KIAA1217: variants seen among roughly 807,000 people sequenced by gnomAD.
KIAA1217 encodes sickle tail protein homolog.
Under a neutral mutation model 163.9 loss-of-function variants are expected in KIAA1217, and 88 were observed. The observed-to-expected ratio is 0.54, with a 90% confidence interval of 0.45 to 0.64. The LOEUF (loss-of-function observed/expected upper bound fraction) is 0.64, where lower values mean the gene tolerates loss of function less well. Among genes scored for constraint, KIAA1217 ranks in the 30% least tolerant of loss-of-function variants. The pLI is 0.00. For missense variants in KIAA1217, 2,372 were observed against 2,475.0 expected (o/e 0.96, Z 0.88); for synonymous variants, 903 against 923.1 (o/e 0.98, Z 0.39).
chr10:24,412,982 T>G (rs961132829), intron 3 of KIAA1217, among the ~76,000 whole-genome samples: 1 of 152,228 alleles, frequency 6.6e-6, no homozygotes, highest in Non-Finnish European at 1.5e-5. Context: ...AACAAAACCC[T>G]TTGCATCTTT....
At chr10:23,821,564 C>T (rs192436105) in intron 1 of KIAA1217, among the ~76,000 whole-genome samples, 1 of 152,318 alleles carries the variant, frequency 6.6e-6, no homozygotes, top group East Asian at 1.9e-4. Context: ...AGGGCCTTTC[C>T]CACTTGGCCC....
At chr10:24,485,413 T>C (rs2065264255) in intron 6 of KIAA1217, among the ~76,000 whole-genome samples, 1 of 152,196 alleles carries the variant, frequency 6.6e-6, no homozygotes, top group South Asian at 2.1e-4. Flanking sequence ...TCACCTTTGC[T>C]CTTTCTGCTG....
intron 2 of KIAA1217, among the ~76,000 whole-genome samples, chr10:24,062,022 T>G (rs2060742193): frequency 6.6e-6 from 1 of 152,108 alleles, no homozygotes; most frequent in South Asian, 2.1e-4. Context: ...GCTCATAGTG[T>G]GTACTTGACT....
intron 2 of KIAA1217, among the ~76,000 whole-genome samples, chr10:24,122,564 C>A (rs974119444): frequency 1.3e-5 from 2 of 152,080 alleles, no homozygotes; most frequent in Admixed American, 6.6e-5. Context: ...GACAGAAAAA[C>A]CAAATTCAGA....
At chr10:24,506,645 G>A (rs919915156) in intron 9 of KIAA1217, among the ~76,000 whole-genome samples, 1 of 152,166 alleles carries the variant, frequency 6.6e-6, no homozygotes, top group Non-Finnish European at 1.5e-5. Flanking sequence ...TGAAACAAAT[G>A]TTTTCAGAAA....
chr10:24,537,393 T>G (rs2074185767), intron 17 of KIAA1217, among the ~76,000 whole-genome samples: 1 of 151,970 alleles, frequency 6.6e-6, no homozygotes, highest in Admixed American at 6.6e-5. Context: ...CTGGCCAACA[T>G]GGTGAAACCC....
intron 2 of KIAA1217, among the ~76,000 whole-genome samples, chr10:24,361,626 A>G (rs1269006697): frequency 6.6e-6 from 1 of 152,246 alleles, no homozygotes. Context: ...ATACCATATC[A>G]TGCAGGGCCT....
chr10:23,859,154 A>G (rs1019877142), intron 1 of KIAA1217, among the ~76,000 whole-genome samples: 1 of 152,196 alleles, frequency 6.6e-6, no homozygotes, highest in African/African-American at 2.4e-5. Flanking sequence ...GTGTATACAT[A>G]TGTATATGTA....
At chr10:24,252,384 C>T (rs1267317673) in intron 2 of KIAA1217, among the ~76,000 whole-genome samples, 2 of 151,942 alleles carry the variant, frequency 1.3e-5, no homozygotes, top group African/African-American at 4.8e-5. Flanking sequence ...TCAAGACCAA[C>T]CTGGGCAACA....
intron 1 of KIAA1217, among the ~76,000 whole-genome samples, chr10:23,966,174 T>A (rs1162869499): frequency 6.6e-6 from 1 of 152,080 alleles, no homozygotes; most frequent in East Asian, 1.9e-4. Context: ...GATTCTTAAT[T>A]TTTGAATAAG....
At chr10:24,407,556 T>C (rs2057356741) in intron 3 of KIAA1217, among the ~76,000 whole-genome samples, 1 of 152,102 alleles carries the variant, frequency 6.6e-6, no homozygotes, top group South Asian at 2.1e-4. Flanking sequence ...TCCCCCCACC[T>C]CAGCCTCCTA....
chr10:23,878,824 A>C (rs960740542), intron 1 of KIAA1217, among the ~76,000 whole-genome samples: 1 of 151,854 alleles, frequency 6.6e-6, no homozygotes, highest in African/African-American at 2.4e-5. Flanking sequence ...TGGAGGTAGA[A>C]ATGACAGAAT....
chr10:24,234,252 T>A (rs1159746206), intron 2 of KIAA1217, among the ~76,000 whole-genome samples: 3 of 151,496 alleles, frequency 2.0e-5, no homozygotes, highest in Non-Finnish European at 2.9e-5. Context: ...AGCTATGTAC[T>A]GCAAATATTC....
intron 2 of KIAA1217, among the ~76,000 whole-genome samples, chr10:24,027,606 A>G (rs1848015086): frequency 6.6e-6 from 1 of 152,166 alleles, no homozygotes; most frequent in Non-Finnish European, 1.5e-5. Flanking sequence ...ATATTATAAA[A>G]CATGCTAAAA....
intron 1 of KIAA1217, among the ~76,000 whole-genome samples, chr10:23,831,247 A>G (rs912354541): frequency 6.6e-6 from 1 of 152,116 alleles, no homozygotes; most frequent in African/African-American, 2.4e-5. Flanking sequence ...ACAAAAAAAT[A>G]TAGATAAATG....
In KIAA1217 at chr10:23,790,412, T is replaced by A; in HGVS notation, c.-321+95178T>A. 2.5e-5 allele frequency among the ~76,000 whole-genome samples: 2 copies of A among 79,154 alleles called. 1 individual carries two copies. The highest frequency in any genetic ancestry group is 8.5e-5 in the African/African-American group (2 of 23,632). 51.9% of individuals were successfully genotyped at this position (79,154 alleles called of 152,430 possible). A position where few individuals can be genotyped will look rare whatever the true frequency, so the allele number is the denominator to read the frequency against. On this transcript the variant is annotated intron_variant, in intron 1 of 18. Coordinates refer to the KIAA1217 transcript ENST00000376462. ...ATATGTATATATACATATATACATA[T>A]ACATATATACATATATACATATACA...
At chr10:23,998,409 C>A (rs1369960566) in intron 1 of KIAA1217, among the ~76,000 whole-genome samples, 1 of 152,210 alleles carries the variant, frequency 6.6e-6, no homozygotes, top group Non-Finnish European at 1.5e-5. Context: ...GAACAAATTT[C>A]CAGGACCCTG....
chr10:24,518,157 G>A (rs1377795950), intron 10 of KIAA1217, among the ~76,000 whole-genome samples: 2 of 152,180 alleles, frequency 1.3e-5, no homozygotes, highest in African/African-American at 4.8e-5. Context: ...ATAGAATGCT[G>A]TAAACTGTGA....
intron 2 of KIAA1217, among the ~76,000 whole-genome samples, chr10:24,251,160 A>G (rs1206110611): frequency 2.0e-5 from 3 of 151,864 alleles, no homozygotes; most frequent in African/African-American, 4.8e-5. Flanking sequence ...CAGGAGGCGG[A>G]GGTTGCAGTG....
Sources: gnomAD v4.1 joint callset for allele counts (sites outside exome capture counted in the v4.1 genomes callset) on GRCh38, gnomAD v4.1.1 for gene constraint, MANE v1.5 for transcripts, NCBI Gene and HGNC (gene_info 2026-07-23, HGNC 2026-07-21) for gene names.